Variants in ADK observed in about 807,000 individuals in gnomAD.
ADK encodes the protein N6,N6-dimethyladenosine kinase.
Under a neutral mutation model 44.7 loss-of-function variants are expected in ADK, and 24 were observed. That is an observed-to-expected ratio of 0.54 (90% CI 0.39 to 0.76). ADK has a LOEUF of 0.76. Among genes scored for constraint, ADK ranks in the 30% least tolerant of loss-of-function variants. The pLI is 0.00. For synonymous variants in ADK, 128 were observed against 142.6 expected (o/e 0.90, Z 0.73); for missense variants, 321 against 425.1 (o/e 0.76, Z 2.15).
chr10:74,305,345 G>T (rs1050505151), intron 3 of ADK, among the ~76,000 whole-genome samples: 3 of 152,122 alleles, frequency 2.0e-5, no homozygotes, highest in Non-Finnish European at 4.4e-5. Flanking sequence ...GAGGAATGTT[G>T]CCTACCCTGA....
At chr10:74,598,775 A>G (rs1852018083) in intron 8 of ADK, among the ~76,000 whole-genome samples, 1 of 152,040 alleles carries the variant, frequency 6.6e-6, no homozygotes, top group Admixed American at 6.5e-5. Context: ...TTTATTCCTT[A>G]TATCACCTTG....
At chr10:74,490,822 T>C (rs1262360898) in intron 6 of ADK, among the ~76,000 whole-genome samples, 4 of 152,076 alleles carry the variant, frequency 2.6e-5, no homozygotes, top group African/African-American at 9.7e-5. Flanking sequence ...GTTTGAAAAT[T>C]GTATTGATTT....
intron 6 of ADK, among the ~76,000 whole-genome samples, chr10:74,480,226 C>CTTTCTTTT (rs1554865927): frequency 1.5e-5 from 2 of 133,118 alleles, no homozygotes. Context: ...TTCTTTCTTT[C>CTTTCTTTT]TTTTTTTTTT....
intron 8 of ADK, among the ~76,000 whole-genome samples, chr10:74,593,548 G>A (rs1851794602): frequency 6.6e-6 from 1 of 152,044 alleles, no homozygotes; most frequent in African/African-American, 2.4e-5. Flanking sequence ...CTCTGAACGA[G>A]AGAGAACTTA....
At chr10:74,354,719 T>G (rs1478085638) in intron 4 of ADK, among the ~76,000 whole-genome samples, 1 of 152,188 alleles carries the variant, frequency 6.6e-6, no homozygotes, top group East Asian at 1.9e-4. Context: ...GGCAAATGAT[T>G]CAGCTGACTT....
At chr10:74,703,317 T>TA (rs1164097546) in intron 10 of ADK, among the ~76,000 whole-genome samples, 1 of 151,582 alleles carries the variant, frequency 6.6e-6, no homozygotes, top group Non-Finnish European at 1.5e-5. Flanking sequence ...CCCCATCTAC[T>TA]AAAAGTACAA....
chr10:74,651,286 T>C (rs1052007452), intron 9 of ADK, among the ~76,000 whole-genome samples: 1 of 152,322 alleles, frequency 6.6e-6, no homozygotes, highest in Admixed American at 6.5e-5. Flanking sequence ...TACGGAGAAC[T>C]GGTTTGTCTA....
intron 1 of ADK, among the ~76,000 whole-genome samples, chr10:74,177,945 ATTT>A (rs1158811749): frequency 2.8e-5 from 3 of 109,010 alleles, no homozygotes; most frequent in African/African-American, 1.1e-4. Context: ...ATATATATAT[ATTT>A]TTTTTTTTTT....
chr10:74,455,917 T>C (rs963006604), intron 6 of ADK, among the ~76,000 whole-genome samples: 1 of 152,180 alleles, frequency 6.6e-6, no homozygotes, highest in African/African-American at 2.4e-5. Context: ...CCTTTCTCTT[T>C]GGCTGCGCTT....
intron 6 of ADK, among the ~76,000 whole-genome samples, chr10:74,497,457 C>T (rs1341893803): frequency 6.6e-6 from 1 of 152,120 alleles, no homozygotes; most frequent in Non-Finnish European, 1.5e-5. Context: ...ACTTTATATA[C>T]CATCTTTTCT....
chr10:74,579,028 G>A (rs1175451970), intron 7 of ADK, among the ~76,000 whole-genome samples: 1 of 152,134 alleles, frequency 6.6e-6, no homozygotes, highest in Non-Finnish European at 1.5e-5. Context: ...GAGATCAGGA[G>A]TTCAAGACCA....
intron 6 of ADK, among the ~76,000 whole-genome samples, chr10:74,436,508 C>T (rs1044235685): frequency 1.3e-5 from 2 of 150,676 alleles, no homozygotes; most frequent in African/African-American, 4.9e-5. Flanking sequence ...CATGACTCTT[C>T]AGTAGATTAT....
chr10:74,619,788 A>G (rs1852915652), intron 9 of ADK, among the ~76,000 whole-genome samples: 1 of 152,140 alleles, frequency 6.6e-6, no homozygotes, highest in Admixed American at 6.5e-5. Context: ...TGGCGTGATC[A>G]CAGCTCACTG....
intron 6 of ADK, among the ~76,000 whole-genome samples, chr10:74,470,503 A>T (rs1434489141): frequency 1.3e-5 from 2 of 151,966 alleles, no homozygotes; most frequent in African/African-American, 4.8e-5. Context: ...TTTTGAGGAT[A>T]CTTCATAGTG....
rs751632457 is a variant in ADK, at chr10:74,347,244, T to C, written c.273+32499T>C. On this transcript the variant is annotated intron_variant, in intron 4 of 10. Transcript: ENST00000539909. ...CAACTAAGGTACCCAGTTCATCTCA[T>C]TGGGACTAATTAGGCAGTGGTTGCA... 6.6e-5 allele frequency among the ~76,000 whole-genome samples: 10 copies of C among 150,756 alleles called. No individual in the cohort carries two copies. The East Asian group carries it at 1.8e-3, about 27-fold the overall frequency.
chr10:74,199,532 T>C (rs916231824), intron 1 of ADK, among the ~76,000 whole-genome samples: 3 of 152,206 alleles, frequency 2.0e-5, no homozygotes, highest in Admixed American at 2.0e-4. Context: ...TCTTTTTTTA[T>C]GGCTGCATAG....
chr10:74,450,429 T>C (rs1274068361), intron 6 of ADK, among the ~76,000 whole-genome samples: 1 of 152,238 alleles, frequency 6.6e-6, no homozygotes, highest in African/African-American at 2.4e-5. Flanking sequence ...GTAAGAATTA[T>C]GCAGTTTTGT....
intron 7 of ADK, among the ~76,000 whole-genome samples, chr10:74,532,055 A>G (rs1849307316): frequency 6.6e-6 from 1 of 152,224 alleles, no homozygotes; most frequent in South Asian, 2.1e-4. Context: ...CGAACAATAT[A>G]TTAAAAGAGT....
At chr10:74,427,406 G>A (rs1844835367) in intron 6 of ADK, among the ~76,000 whole-genome samples, 1 of 152,132 alleles carries the variant, frequency 6.6e-6, no homozygotes. Context: ...CACCGTGTTA[G>A]CCAGGATGGT....
Sources: allele counts gnomAD v4.1 joint callset (sites outside exome capture counted in the v4.1 genomes callset), GRCh38; gene constraint gnomAD v4.1.1; transcripts MANE v1.5; gene names NCBI Gene and HGNC (gene_info 2026-07-23, HGNC 2026-07-21).